Variants in NT5C1B observed in about 807,000 individuals in gnomAD.
NT5C1B encodes cytosolic 5'-nucleotidase 1B.
A neutral mutation model predicts 57.8 loss-of-function variants in NT5C1B; 44 were observed. The observed-to-expected ratio is 0.76, with a 90% CI of 0.60 to 0.98. The LOEUF (loss-of-function observed/expected upper bound fraction) is 0.98. NT5C1B is among the 50% of genes least tolerant of loss of function. The pLI, the probability that NT5C1B is intolerant of heterozygous loss-of-function variation, is 0.00. For synonymous variants in NT5C1B, 284 were observed against 282.6 expected, an observed-to-expected ratio of 1.00 and a Z score of -0.05; for missense variants, 742 against 719.5, an observed-to-expected ratio of 1.03 and a Z score of -0.36.
At chr2:18,582,307 A>G (rs568317306) in intron 6 of NT5C1B, among the ~76,000 whole-genome samples, 24 of 152,350 alleles carry the variant, frequency 1.6e-4, no homozygotes, top group African/African-American at 5.8e-4. Flanking sequence ...ATTGTGCCCG[A>G]AATAATTCAG....
In NT5C1B at chr2:18,586,708, C is replaced by T. The variant is rs948983704; in HGVS notation, c.121-317G>A. 8.6e-6 allele frequency: 5 copies of T among 580,220 alleles called. No individual in the cohort carries two copies. In the Admixed American group the frequency reaches 1.6e-4, roughly 18 times the overall value. 35.9% of individuals were successfully genotyped at this position (580,220 alleles called of 1,614,324 possible). A position where few individuals can be genotyped will look rare whatever the true frequency, so the allele number is the denominator to read the frequency against. On this transcript the variant is annotated intron_variant, in intron 2 of 8. Transcript: ENST00000304081. ...CACCATTGTTCCTCCCTTTTCCTCA[C>T]TTCTTCCCTCGAGGATAAGCCTGTT...
intron 6 of NT5C1B, among the ~76,000 whole-genome samples, chr2:18,578,605 C>G (rs1434334528): frequency 6.6e-6 from 1 of 151,938 alleles, no homozygotes; most frequent in East Asian, 1.9e-4. Flanking sequence ...ATTTAACATC[C>G]TTTCATGTTA....
exon 8 of NT5C1B, chr2:18,576,240 C>T: frequency 6.2e-7 from 1 of 1,613,684 alleles, no homozygotes. Flanking sequence ...TTGTCGAGCC[C>T]ATGCTCCTTG....
intron 3 of NT5C1B, among the ~76,000 whole-genome samples, chr2:18,585,511 A>G (rs1006497577): frequency 6.6e-6 from 1 of 152,158 alleles, no homozygotes. Context: ...GATGGCTGGG[A>G]AAGTCTCTTG....
chr2:18,579,279 GA>G (rs1380410359), intron 6 of NT5C1B, among the ~76,000 whole-genome samples: 1 of 152,062 alleles, frequency 6.6e-6, no homozygotes, highest in African/African-American at 2.4e-5. Flanking sequence ...CACAGAATTA[GA>G]AAAAACTATT....
chr2:18,565,869 A>C (rs1368502313), intron 8 of NT5C1B, among the ~76,000 whole-genome samples: 2 of 152,160 alleles, frequency 1.3e-5, no homozygotes, highest in Non-Finnish European at 2.9e-5. Flanking sequence ...ACTTAGGCAT[A>C]TGCTGGGTCT....
intron 8 of NT5C1B, among the ~76,000 whole-genome samples, chr2:18,571,709 T>TGC (rs1342131290): frequency 1.2e-5 from 1 of 80,516 alleles, no homozygotes; most frequent in Non-Finnish European, 2.1e-5. Context: ...TCTTTCTCTC[T>TGC]GTGTGTGTGT....
exon 9 of NT5C1B, chr2:18,564,031 G>A: frequency 6.2e-7 from 1 of 1,613,848 alleles, no homozygotes; most frequent in Non-Finnish European, 8.5e-7. Flanking sequence ...AACCAGGTAG[G>A]TCCTGATAGG....
At chr2:18,587,475 C>G (rs770675320) in intron 2 of NT5C1B, 28 bp downstream of exon 2, 4 of 1,601,094 alleles carry the variant, frequency 2.5e-6, no homozygotes, top group Non-Finnish European at 3.4e-6. Context: ...CCTTAATTTC[C>G]TCACCTCTGC....
chr2:18,587,563 C>A (rs1010471319), exon 2 of NT5C1B: 2 of 1,613,666 alleles, frequency 1.2e-6, no homozygotes, highest in Non-Finnish European at 1.7e-6. Flanking sequence ...CTTCTAGACT[C>A]TCTTTTGAGG....
chr2:18,577,380 C>T (rs533154471), intron 6 of NT5C1B, among the ~76,000 whole-genome samples: 9 of 142,536 alleles, frequency 6.3e-5, no homozygotes, highest in East Asian at 6.2e-4. Flanking sequence ...CTCGAGATCG[C>T]GCCACTGCAC....
intron 1 of NT5C1B, among the ~76,000 whole-genome samples, chr2:18,588,110 G>T (rs900360694): frequency 6.6e-6 from 1 of 152,056 alleles, no homozygotes; most frequent in Non-Finnish European, 1.5e-5. Flanking sequence ...CATGTCTTCT[G>T]TTCCTATCAT....
At chr2:18,575,806 A>T (rs1665616378) in intron 8 of NT5C1B, among the ~76,000 whole-genome samples, 1 of 152,210 alleles carries the variant, frequency 6.6e-6, no homozygotes, top group Non-Finnish European at 1.5e-5. Flanking sequence ...ACAGAGATTC[A>T]ACAAATGCTT....
intron 6 of NT5C1B, among the ~76,000 whole-genome samples, chr2:18,581,533 G>T (rs1232225123): frequency 6.6e-6 from 1 of 151,986 alleles, no homozygotes; most frequent in Non-Finnish European, 1.5e-5. Context: ...TGGACCAAGA[G>T]AGTAGGTCAG....
chr2:18,571,668 A>ACCTGGGCCTAAGAAATACTATAGCCAG (rs1381506808), intron 8 of NT5C1B, among the ~76,000 whole-genome samples: 1 of 127,672 alleles, frequency 7.8e-6, no homozygotes, highest in African/African-American at 3.6e-5. Context: ...TCTATATGAA[A>ACCTGGGCCTAAGAAATACTATAGCCAG]GTGCAAGGGA....
intron 2 of NT5C1B, chr2:18,587,008 T>C (rs1395885857): frequency 3.7e-6 from 6 of 1,614,086 alleles, no homozygotes; most frequent in Non-Finnish European, 5.1e-6. Flanking sequence ...ATCATGGTGA[T>C]CTGCTGGCCC....
At chr2:18,587,174 C>T (rs1488144097) in intron 2 of NT5C1B, 1 of 1,611,720 alleles carries the variant, frequency 6.2e-7, no homozygotes, top group Non-Finnish European at 8.5e-7. Context: ...CACGCCTCAT[C>T]TGAAAGATTG....
chr2:18,587,407 C>T (rs1008726128), intron 2 of NT5C1B, 96 bp downstream of exon 2: 1 of 1,559,440 alleles, frequency 6.4e-7, no homozygotes. Context: ...TTCTCAACAG[C>T]TTGGTCTTCT....
intron 8 of NT5C1B, among the ~76,000 whole-genome samples, chr2:18,565,864 G>C (rs1374404556): frequency 6.6e-6 from 1 of 151,958 alleles, no homozygotes; most frequent in Non-Finnish European, 1.5e-5. Context: ...ATTCTACTTA[G>C]GCATATGCTG....
Sources: allele counts gnomAD v4.1 joint callset (sites outside exome capture counted in the v4.1 genomes callset), GRCh38; gene constraint gnomAD v4.1.1; transcripts MANE v1.5; gene names NCBI Gene and HGNC (gene_info 2026-07-23, HGNC 2026-07-21).